Variants in NRG1 observed in about 807,000 individuals in gnomAD.
The protein encoded by NRG1 is neuregulin 1.
Under a neutral mutation model 63.8 loss-of-function variants are expected in NRG1, and 18 were observed. The ratio of observed to expected loss-of-function variants is 0.28; its 90% CI spans 0.19 to 0.42. NRG1 has a LOEUF of 0.42. Among genes scored for constraint, NRG1 ranks in the 10% least tolerant of loss-of-function variants. The pLI is 1.00. For missense variants in NRG1, 762 were observed against 814.7 expected (o/e 0.94, Z 0.79); for synonymous variants, 302 against 301.3 (o/e 1.00, Z -0.02).
chr8:32,507,544 G>A (rs375169646), intron 1 of NRG1, among the ~76,000 whole-genome samples: 6 of 152,068 alleles, frequency 3.9e-5, no homozygotes, highest in Non-Finnish European at 7.4e-5. Flanking sequence ...ACAGCATGAG[G>A]GAGAATTTGC....
intron 1 of NRG1, among the ~76,000 whole-genome samples, chr8:32,068,044 T>C (rs996436986): frequency 6.6e-6 from 1 of 152,194 alleles, no homozygotes; most frequent in African/African-American, 2.4e-5. Context: ...AAACACTCCT[T>C]GGGTTTCCCT....
intron 1 of NRG1, among the ~76,000 whole-genome samples, chr8:32,346,569 A>G (rs1439751240): frequency 1.3e-5 from 2 of 151,378 alleles, no homozygotes; most frequent in African/African-American, 4.8e-5. Flanking sequence ...AAAAAAATCT[A>G]TATTTATCTC....
At chr8:32,072,005 A>G (rs1402291242) in intron 1 of NRG1, among the ~76,000 whole-genome samples, 1 of 152,178 alleles carries the variant, frequency 6.6e-6, no homozygotes, top group Non-Finnish European at 1.5e-5. Context: ...AGAGAAAGGG[A>G]AGAAAGGCAG....
At chr8:31,913,726 G>A (rs143909721) in intron 1 of NRG1, among the ~76,000 whole-genome samples, 164 of 152,206 alleles carry the variant, frequency 1.1e-3, no homozygotes, top group African/African-American at 3.9e-3. Flanking sequence ...CTTCCATTAC[G>A]CCATGGTGCC....
intron 1 of NRG1, among the ~76,000 whole-genome samples, chr8:32,044,338 A>T (rs13268686): frequency 0.4 from 60,471 of 151,718 alleles, 12,382 homozygotes; most frequent in East Asian, 0.65. Context: ...GACAAACAGA[A>T]ATATTCACAA....
Position 32,484,020 on chromosome 8 carries a change from A to G in NRG1, c.38-111808A>G, listed in dbSNP as rs545421365. Among the ~76,000 whole-genome samples, 9 of 152,000 alleles carry G rather than the reference A, an allele frequency of 5.9e-5. No individual in the cohort carries two copies. The South Asian group carries it at 1.9e-3, about 32-fold the overall frequency. ...AGGGAGGCTGAGGCAGAAGAATGGCATGAACCCAGGAGGCGGAGCTTGCAG... is the reference window on the plus strand; with the variant it reads ...AGGGAGGCTGAGGCAGAAGAATGGCGTGAACCCAGGAGGCGGAGCTTGCAG... On this transcript the variant is annotated intron_variant, in intron 1 of 10. Transcript: ENST00000519301.
intron 1 of NRG1, among the ~76,000 whole-genome samples, chr8:31,789,224 T>C (rs1202410572): frequency 6.6e-6 from 1 of 152,082 alleles, no homozygotes; most frequent in African/African-American, 2.4e-5. Flanking sequence ...CTTTATAAAG[T>C]GGTTTAGAGT....
intron 1 of NRG1, among the ~76,000 whole-genome samples, chr8:32,045,598 T>A (rs2130743182): frequency 6.6e-6 from 1 of 152,076 alleles, no homozygotes; most frequent in African/African-American, 2.4e-5. Flanking sequence ...ATCAAGAGTC[T>A]GGTATCAGAG....
intron 1 of NRG1, among the ~76,000 whole-genome samples, chr8:32,010,907 C>A (rs1814651339): frequency 6.6e-6 from 1 of 152,032 alleles, no homozygotes; most frequent in Admixed American, 6.6e-5. Flanking sequence ...TGATACAAAT[C>A]ATTTGCAACT....
At chr8:32,336,311 T>G (rs1378253025) in intron 1 of NRG1, among the ~76,000 whole-genome samples, 2 of 152,150 alleles carry the variant, frequency 1.3e-5, no homozygotes, top group African/African-American at 4.8e-5. Flanking sequence ...CCAGCCGTGA[T>G]GAGTGAGATG....
chr8:32,723,547 G>A (rs7828686), intron 5 of NRG1, among the ~76,000 whole-genome samples: 1,607 of 151,760 alleles, frequency 0.011, 35 homozygotes, highest in African/African-American at 0.037. Context: ...TTAGCCGGGT[G>A]TGGTGGCGCA....
At chr8:32,080,745 G>A (rs1040138539) in intron 1 of NRG1, among the ~76,000 whole-genome samples, 1 of 149,266 alleles carries the variant, frequency 6.7e-6, no homozygotes, top group Admixed American at 6.8e-5. Context: ...CAGAGGGACA[G>A]AACCAATTTG....
Position 32,030,310 on chromosome 8 carries a change from C to T in NRG1, c.37+390879C>T, listed in dbSNP as rs563246656. On this transcript the variant is annotated intron_variant, in intron 1 of 10. Transcript: ENST00000519301. ...GGGGATCTGTGTAATCATATGATGA[C>T]AATTTGGGTTTGGGAATCTCAGAAA... 2.6e-5 allele frequency: 4 copies of T among 152,190 alleles called. No individual in the cohort carries two copies. The East Asian group carries it at 7.7e-4, about 29-fold the overall frequency. The allele number at this position is 152,190 out of a possible 1,614,324, so 9.4% of individuals were successfully genotyped here.
intron 1 of NRG1, among the ~76,000 whole-genome samples, chr8:31,882,743 G>A (rs1200473727): frequency 1.3e-5 from 2 of 152,090 alleles, no homozygotes; most frequent in Admixed American, 6.6e-5. Flanking sequence ...AGACTTCAGT[G>A]GAGAAAGTAT....
At chr8:32,538,148 A>T (rs2129520188) in intron 1 of NRG1, among the ~76,000 whole-genome samples, 1 of 152,232 alleles carries the variant, frequency 6.6e-6, no homozygotes, top group South Asian at 2.1e-4. Context: ...CACTGCGCTC[A>T]GCTGAGACAG....
At chr8:32,194,835 CA>C (rs1363955243) in intron 1 of NRG1, among the ~76,000 whole-genome samples, 1 of 151,886 alleles carries the variant, frequency 6.6e-6, no homozygotes, top group Admixed American at 6.6e-5. Flanking sequence ...GATTAATACC[CA>C]ACCGATGACT....
intron 1 of NRG1, among the ~76,000 whole-genome samples, chr8:31,712,963 ATCTC>A (rs1811934679): frequency 6.6e-6 from 1 of 150,552 alleles, no homozygotes; most frequent in Non-Finnish European, 1.5e-5. Flanking sequence ...TCAATCAGTC[ATCTC>A]TCTGTCCATC....
intron 1 of NRG1, among the ~76,000 whole-genome samples, chr8:32,426,761 C>A (rs943237737): frequency 1.3e-5 from 2 of 152,168 alleles, no homozygotes; most frequent in African/African-American, 2.4e-5. Flanking sequence ...AGGCTTTCAA[C>A]ATGTGGTTTG....
chr8:32,657,086 A>C (rs1169555841), intron 5 of NRG1, among the ~76,000 whole-genome samples: 1 of 152,010 alleles, frequency 6.6e-6, no homozygotes, highest in African/African-American at 2.4e-5. Context: ...AAAGTTATTA[A>C]TTTAAAATTA....
Sources: gnomAD v4.1 joint callset for allele counts (sites outside exome capture counted in the v4.1 genomes callset) on GRCh38, gnomAD v4.1.1 for gene constraint, MANE v1.5 for transcripts, NCBI Gene and HGNC (gene_info 2026-07-23, HGNC 2026-07-21) for gene names.